The following MARCHF1 variants were observed in gnomAD, a reference collection of about 807,000 sequenced individuals.
MARCHF1 encodes the protein E3 ubiquitin-protein ligase MARCHF1.
Under a neutral mutation model 54.2 loss-of-function variants are expected in MARCHF1, and 40 were observed. The ratio of observed to expected loss-of-function variants is 0.74; its 90% confidence interval spans 0.57 to 0.96. MARCHF1 has a LOEUF of 0.96. Among genes scored for constraint, MARCHF1 ranks in the 40% least tolerant of loss-of-function variants. The pLI is 0.00. For missense variants in MARCHF1, 586 were observed against 656.5 expected (o/e 0.89, Z 1.17); for synonymous variants, 236 against 236.3 (o/e 1.00, Z 0.01).
rs1579155621 is a variant in MARCHF1 at position 163,648,428 on chromosome 4, C to G, written c.163-35035G>C. ...CATATTCTGAACGTTGGTGAATCAG[C>G]AATTTTAAGACATACTGACTGTTTC... On this transcript the variant is annotated intron_variant, in intron 5 of 9. Coordinates refer to ENST00000514618, the MANE Select transcript of MARCHF1 (RefSeq NM_001394959.1). Among the ~76,000 whole-genome samples the G allele has an allele frequency of 2.0e-5, 3 of 149,170 alleles. No individual in the cohort carries two copies. In the South Asian group the frequency reaches 6.4e-4, roughly 32 times the overall value.
At chr4:164,342,747 C>T (rs918360988) in intron 1 of MARCHF1, among the ~76,000 whole-genome samples, 3 of 151,772 alleles carry the variant, frequency 2.0e-5, no homozygotes, top group Non-Finnish European at 4.4e-5. Context: ...AAAGAAAATA[C>T]GGTATGTGTA....
At position 163,612,358 on chromosome 4, in the gene MARCHF1, A is replaced by G; in HGVS notation, c.923T>C (p.Met308Thr). 1 of 1,535,400 alleles carries G rather than the reference A, an allele frequency of 6.5e-7. No individual in the cohort carries two copies. Among genetic ancestry groups the G allele is most frequent in the Non-Finnish European group, 8.7e-7 (1 of 1,146,460 alleles). ...ATTCACCTGGAGCCCTGCATCATTC[A>G]TGTCCTTGCTGCCTTCTGGAACTCC... is the stretch of plus-strand genomic sequence containing the variant. ...ILGVPEGSKDMNDAGLQVNNP... is the reference protein window; with the variant it reads ...ILGVPEGSKDTNDAGLQVNNP... The change falls in exon 7 of 10, where the codon ATG becomes ACG. Residue 308 changes from methionine to threonine, a missense_variant. Met to Thr is a moderately conservative substitution (Grantham distance 81). Around this residue, in one of 3 missense-constraint regions of MARCHF1, gnomAD observed 387 missense variants for 394.6 expected, o/e 0.98. Coordinates refer to ENST00000514618, the MANE Select transcript of MARCHF1 (RefSeq NM_001394959.1).
intron 3 of MARCHF1, among the ~76,000 whole-genome samples, chr4:163,958,507 T>C (rs1752276967): frequency 1.3e-5 from 2 of 152,022 alleles, no homozygotes; most frequent in African/African-American, 2.4e-5. Context: ...AAGAATATTG[T>C]CATACATTGT....
chr4:163,938,459 T>G (rs990006059), intron 3 of MARCHF1, among the ~76,000 whole-genome samples: 4 of 152,124 alleles, frequency 2.6e-5, no homozygotes, highest in Non-Finnish European at 5.9e-5. Flanking sequence ...TCAGTAGTGG[T>G]GGCAGCCAGA....
intron 8 of MARCHF1, among the ~76,000 whole-genome samples, chr4:163,575,450 G>A (rs1039577351): frequency 3.3e-5 from 5 of 152,076 alleles, no homozygotes. Flanking sequence ...GTTGCATTTA[G>A]TTTGCTAATT....
At chr4:164,023,993 G>A (rs529681092) in intron 2 of MARCHF1, among the ~76,000 whole-genome samples, 2 of 152,162 alleles carry the variant, frequency 1.3e-5, no homozygotes, top group Admixed American at 1.3e-4. Flanking sequence ...GAATCTCATA[G>A]CTTAAAAATC....
At chr4:163,699,397 G>A (rs544313348) in intron 5 of MARCHF1, among the ~76,000 whole-genome samples, 1 of 152,326 alleles carries the variant, frequency 6.6e-6, no homozygotes, top group Non-Finnish European at 1.5e-5. Context: ...ATCCCAGTGT[G>A]TGTGCAGATG....
chr4:164,279,135 T>G (rs1733960008), intron 1 of MARCHF1, among the ~76,000 whole-genome samples: 1 of 150,868 alleles, frequency 6.6e-6, no homozygotes, highest in African/African-American at 2.4e-5. Flanking sequence ...AAAGCTAGAA[T>G]ATAGAGAAAT....
At chr4:163,982,255 G>A (rs1256331803) in intron 3 of MARCHF1, among the ~76,000 whole-genome samples, 1 of 152,196 alleles carries the variant, frequency 6.6e-6, no homozygotes, top group East Asian at 1.9e-4. Flanking sequence ...GTGCTTTTCT[G>A]AAGAAATGAA....
chr4:163,647,743 T>C (rs1000509882), intron 5 of MARCHF1, among the ~76,000 whole-genome samples: 3 of 151,782 alleles, frequency 2.0e-5, no homozygotes, highest in African/African-American at 7.2e-5. Context: ...CAAAAAACTA[T>C]AGGATATAGC....
chr4:164,072,178 A>T (rs1253521022), intron 2 of MARCHF1, among the ~76,000 whole-genome samples: 1 of 152,242 alleles, frequency 6.6e-6, no homozygotes, highest in Non-Finnish European at 1.5e-5. Flanking sequence ...AGTAACACAG[A>T]AACTGCCGAT....
chr4:164,265,284 G>A (rs957984709), intron 1 of MARCHF1, among the ~76,000 whole-genome samples: 14 of 152,000 alleles, frequency 9.2e-5, no homozygotes, highest in South Asian at 2.1e-4. Context: ...GTGACATGGA[G>A]GATTCAAAGC....
chr4:164,176,415 A>G (rs1730664336), intron 1 of MARCHF1, among the ~76,000 whole-genome samples: 1 of 152,172 alleles, frequency 6.6e-6, no homozygotes, highest in Non-Finnish European at 1.5e-5. Flanking sequence ...TTTGCTATGG[A>G]TGTTTTTTTC....
intron 5 of MARCHF1, among the ~76,000 whole-genome samples, chr4:163,652,692 AT>A (rs1239298813): frequency 2.6e-5 from 4 of 151,764 alleles, no homozygotes; most frequent in Non-Finnish European, 5.9e-5. Context: ...TATACCTTTT[AT>A]TTCTTCTAAG....
chr4:163,748,818 C>T (rs1277403536), intron 4 of MARCHF1, among the ~76,000 whole-genome samples: 1 of 152,200 alleles, frequency 6.6e-6, no homozygotes, highest in Non-Finnish European at 1.5e-5. Context: ...CCCATTGACA[C>T]ATATGCTTGA....
chr4:163,772,899 A>G (rs896923123), intron 4 of MARCHF1, among the ~76,000 whole-genome samples: 1 of 152,188 alleles, frequency 6.6e-6, no homozygotes, highest in African/African-American at 2.4e-5. Flanking sequence ...CTCAAGTGGA[A>G]GGAAAATCCC....
intron 4 of MARCHF1, among the ~76,000 whole-genome samples, chr4:163,736,587 T>C (rs949834304): frequency 6.6e-6 from 1 of 152,062 alleles, no homozygotes; most frequent in African/African-American, 2.4e-5. Flanking sequence ...AACCTAACTT[T>C]TTCCAGAGTG....
chr4:163,922,924 C>G (rs529284648), intron 3 of MARCHF1, among the ~76,000 whole-genome samples: 2 of 152,058 alleles, frequency 1.3e-5, no homozygotes, highest in South Asian at 4.2e-4. Context: ...AAGTAAAATT[C>G]AGCTCAATCA....
chr4:164,209,032 ATT>A, intron 1 of MARCHF1, among the ~76,000 whole-genome samples: 1 of 149,906 alleles, frequency 6.7e-6, no homozygotes, highest in South Asian at 2.1e-4. Flanking sequence ...TATTATATAT[ATT>A]ATATATAAAA....
Sources: gnomAD v4.1 joint callset for allele counts (sites outside exome capture counted in the v4.1 genomes callset) on GRCh38, gnomAD v4.1.1 for gene constraint, gnomAD v4.1.1 regional missense constraint, MANE v1.5 for transcripts, NCBI Gene and HGNC (gene_info 2026-07-23, HGNC 2026-07-21) for gene names.